SGCG: variants seen among roughly 807,000 people sequenced by gnomAD.
The protein encoded by SGCG is sarcoglycan gamma.
In SGCG, 26 loss-of-function variants were observed where a neutral mutation model predicts 29.3. That is an observed-to-expected ratio of 0.89 (90% CI 0.65 to 1.23). The LOEUF is 1.23. Ranked by LOEUF, SGCG falls within the 50% of genes most tolerant of loss-of-function variation. The pLI, the probability that SGCG is intolerant of heterozygous loss-of-function variation, is 0.00. For synonymous variants in SGCG, 145 were observed against 129.7 expected (o/e 1.12, Z -0.80); for missense variants, 353 against 356.0 (o/e 0.99, Z 0.07).
chr13:23,219,859 T>C (rs1228816260), intron 2 of SGCG, among the ~76,000 whole-genome samples: 1 of 126,704 alleles, frequency 7.9e-6, no homozygotes, highest in Non-Finnish European at 1.6e-5. Flanking sequence ...TGAGACGGAG[T>C]CTCGCTCTGT....
intron 3 of SGCG, among the ~76,000 whole-genome samples, chr13:23,238,204 G>A (rs1227551327): frequency 6.6e-6 from 1 of 152,124 alleles, no homozygotes; most frequent in Non-Finnish European, 1.5e-5. Context: ...GACACAGGTG[G>A]TCTCCCTGAG....
At chr13:23,179,066 C>A (rs572905582), upstream of SGCG, among the ~76,000 whole-genome samples, 12 of 152,304 alleles carry the variant, frequency 7.9e-5, no homozygotes, top group African/African-American at 2.6e-4. Flanking sequence ...CACTTCTACC[C>A]ATAGGCTTAC....
At chr13:23,296,785 C>T (rs484775) in intron 6 of SGCG, among the ~76,000 whole-genome samples, 3 of 152,068 alleles carry the variant, frequency 2.0e-5, no homozygotes, top group Non-Finnish European at 4.4e-5. Context: ...CAGTTCCATA[C>T]ATAAATTTAT....
At chr13:23,219,759 T>A in intron 2 of SGCG, among the ~76,000 whole-genome samples, 1 of 151,954 alleles carries the variant, frequency 6.6e-6, no homozygotes, top group African/African-American at 2.4e-5. Context: ...TTATTTTTTT[T>A]TTTTGAGATG....
chr13:23,292,406 A>G (rs1051084447), intron 5 of SGCG, among the ~76,000 whole-genome samples: 2 of 152,186 alleles, frequency 1.3e-5, no homozygotes, highest in Non-Finnish European at 2.9e-5. Flanking sequence ...CACTGCGCCC[A>G]CCGACGTTTC....
chr13:23,223,470 TAA>T (rs1157359408), intron 2 of SGCG, among the ~76,000 whole-genome samples: 3 of 152,068 alleles, frequency 2.0e-5, no homozygotes, highest in Non-Finnish European at 2.9e-5. Flanking sequence ...ACAAATGCAT[TAA>T]GTTAAAAAGA....
chr13:23,295,834 G>A (rs1881885445), intron 6 of SGCG, among the ~76,000 whole-genome samples: 1 of 152,160 alleles, frequency 6.6e-6, no homozygotes, highest in African/African-American at 2.4e-5. Context: ...AATCCTAAGT[G>A]CTCCACTGGG....
At chr13:23,230,620 T>G (rs1244044849) in intron 2 of SGCG, among the ~76,000 whole-genome samples, 1 of 152,220 alleles carries the variant, frequency 6.6e-6, no homozygotes, top group African/African-American at 2.4e-5. Flanking sequence ...CTACTGATTT[T>G]TGTACATTGA....
chr13:23,178,460 G>A (rs546086263), upstream of SGCG, among the ~76,000 whole-genome samples: 3 of 152,178 alleles, frequency 2.0e-5, no homozygotes, highest in Admixed American at 6.5e-5. Flanking sequence ...GAGACAATGC[G>A]TGTTGTATTG....
intron 4 of SGCG, chr13:23,267,629 GT>G (rs1187020227): frequency 6.6e-6 from 1 of 152,320 alleles, no homozygotes; most frequent in African/African-American, 2.4e-5. Flanking sequence ...GAATATAAAT[GT>G]AAAATACAAG....
At chr13:23,306,024 C>CAAT (rs1216535110) in intron 6 of SGCG, among the ~76,000 whole-genome samples, 1 of 152,054 alleles carries the variant, frequency 6.6e-6, no homozygotes, top group Non-Finnish European at 1.5e-5. Flanking sequence ...GAATGCACTA[C>CAAT]AATTATTATT....
chr13:23,176,566 T>C (rs559489510), upstream of SGCG, among the ~76,000 whole-genome samples: 70 of 152,276 alleles, frequency 4.6e-4, no homozygotes, highest in Middle Eastern at 0.017. Flanking sequence ...TGTTTACTTA[T>C]GGTTTCCATT....
chr13:23,266,666 C>T (rs1345334057), intron 4 of SGCG, among the ~76,000 whole-genome samples: 1 of 151,938 alleles, frequency 6.6e-6, no homozygotes, highest in Non-Finnish European at 1.5e-5. Flanking sequence ...CACACATAAC[C>T]AAAAACCATT....
intron 2 of SGCG, among the ~76,000 whole-genome samples, chr13:23,215,041 G>T (rs1238562779): frequency 1.3e-5 from 2 of 152,104 alleles, no homozygotes; most frequent in Non-Finnish European, 2.9e-5. Context: ...CCAGGGATAT[G>T]CCTTCAATTT....
In SGCG at chr13:23,324,596, C is replaced by A; in HGVS notation, c.*55C>A. On this transcript the variant is annotated 3_prime_UTR_variant, in exon 8 of 8. Coordinates refer to ENST00000218867, the MANE Select transcript of SGCG (RefSeq NM_000231.3). The stretch of plus-strand genomic sequence containing the variant: ...AGTGCCGGCCCCAGATCCTCACACC[C>A]AGGGAGCAGCTGCACATCGTGAAAG... The A allele has an allele frequency of 6.8e-7, 1 of 1,477,800 alleles. No individual in the cohort carries two copies. The allele number at this position is 1,477,800 out of a possible 1,614,324, so 91.5% of individuals were successfully genotyped here.
chr13:23,179,166 G>A (rs146505265), upstream of SGCG, among the ~76,000 whole-genome samples: 590 of 152,304 alleles, frequency 3.9e-3, 3 homozygotes, highest in East Asian at 0.046. Flanking sequence ...AAAGTATTAT[G>A]ATTCCTTTGA....
At chr13:23,282,156 C>T (rs755504223) in intron 5 of SGCG, among the ~76,000 whole-genome samples, 1 of 152,170 alleles carries the variant, frequency 6.6e-6, no homozygotes, top group Non-Finnish European at 1.5e-5. Flanking sequence ...CAATTTTGAG[C>T]AGACCATAAC....
intron 5 of SGCG, among the ~76,000 whole-genome samples, chr13:23,282,741 C>A (rs541042281): frequency 1.3e-5 from 2 of 152,216 alleles, no homozygotes; most frequent in African/African-American, 4.8e-5. Context: ...TACGGTGATT[C>A]TATGTCTTTG....
chr13:23,169,058 T>C, the SGCG span, among the ~76,000 whole-genome samples: 3 of 151,418 alleles, frequency 2.0e-5, no homozygotes, highest in Non-Finnish European at 4.4e-5. Flanking sequence ...TATATAAATA[T>C]ATTTTTTAAA....
Sources: allele counts gnomAD v4.1 joint callset (sites outside exome capture counted in the v4.1 genomes callset), GRCh38; gene constraint gnomAD v4.1.1; transcripts MANE v1.5; gene names NCBI Gene and HGNC (gene_info 2026-07-23, HGNC 2026-07-21).